The following SHISA9 variants were observed in gnomAD, a reference collection of about 807,000 sequenced individuals.
SHISA9 encodes the protein protein shisa-9.
A neutral mutation model predicts 38.0 loss-of-function variants in SHISA9; 13 were observed. That is an observed-to-expected ratio of 0.34 (90% CI 0.22 to 0.54). The LOEUF is 0.54. Among genes scored for constraint, SHISA9 ranks in the 20% least tolerant of loss-of-function variants. The pLI is 0.91. For synonymous variants in SHISA9, 275 were observed against 242.0 expected (o/e 1.14, Z -1.27); for missense variants, 538 against 575.8 (o/e 0.93, Z 0.67).
At chr16:13,096,226 G>C (rs986223832) in intron 2 of SHISA9, among the ~76,000 whole-genome samples, 1 of 152,184 alleles carries the variant, frequency 6.6e-6, no homozygotes, top group Non-Finnish European at 1.5e-5. Context: ...CTTGTTTATA[G>C]TAGACACTCA....
At chr16:13,244,420 G>C (rs1031232336), downstream of SHISA9, among the ~76,000 whole-genome samples, 9 of 152,050 alleles carry the variant, frequency 5.9e-5, no homozygotes, top group Non-Finnish European at 1.2e-4. Flanking sequence ...AGATGACAAG[G>C]ATGAAGACCT....
chr16:13,489,722 A>G, the SHISA9 span, among the ~76,000 whole-genome samples: 1 of 152,200 alleles, frequency 6.6e-6, no homozygotes, highest in African/African-American at 2.4e-5. Context: ...TAAATTACCC[A>G]GTCTCAGGTA....
chr16:13,305,189 CT>C, the SHISA9 span, among the ~76,000 whole-genome samples: 2 of 152,226 alleles, frequency 1.3e-5, no homozygotes, highest in East Asian at 3.8e-4. Context: ...TCACTTCCCC[CT>C]GGGGACGCTG....
At chr16:13,353,552 G>A in the SHISA9 span, among the ~76,000 whole-genome samples, 1 of 151,738 alleles carries the variant, frequency 6.6e-6, no homozygotes, top group Non-Finnish European at 1.5e-5. Flanking sequence ...ATAGGAGTAT[G>A]ATTAGACAGA....
chr16:13,420,245 CAAA>C, the SHISA9 span, among the ~76,000 whole-genome samples: 965 of 50,356 alleles, frequency 0.019, 18 homozygotes, highest in Admixed American at 0.034. Context: ...GAATCTGTTT[CAAA>C]AAAAAAAAAA....
intron 2 of SHISA9, among the ~76,000 whole-genome samples, chr16:13,053,222 C>G (rs897068495): frequency 3.3e-5 from 5 of 151,542 alleles, no homozygotes; most frequent in African/African-American, 1.2e-4. Flanking sequence ...CTCGGCCTCC[C>G]AAAGTGCTGG....
At position 13,209,349 on chromosome 16, in the gene SHISA9, A is replaced by G. The variant is rs185638421; in HGVS notation, c.848-3904A>G. 4.0e-4 allele frequency among the ~76,000 whole-genome samples: 61 copies of G among 152,318 alleles called. 2 individuals carry two copies. The highest frequency in any genetic ancestry group is 1.3e-3 in the African/African-American group (56 of 41,564). ...CTCCAGTCTGATGGGAAAGACATAC[A>G]TGAAAGTTAACTCATGTCAGGGATC... On this transcript the variant is annotated intron_variant, in intron 3 of 4. Coordinates refer to ENST00000558583, the MANE Select transcript of SHISA9 (RefSeq NM_001145204.3).
intron 2 of SHISA9, among the ~76,000 whole-genome samples, chr16:13,202,985 C>T (rs2051020312): frequency 6.6e-6 from 1 of 152,226 alleles, no homozygotes; most frequent in Non-Finnish European, 1.5e-5. Context: ...TACTCATGTC[C>T]TTCAATCCCT....
At chr16:13,419,696 G>T in the SHISA9 span, among the ~76,000 whole-genome samples, 1 of 152,132 alleles carries the variant, frequency 6.6e-6, no homozygotes, top group African/African-American at 2.4e-5. Context: ...TTGACATTGT[G>T]GGTCACACAA....
the SHISA9 span, among the ~76,000 whole-genome samples, chr16:13,382,932 A>G: frequency 6.6e-6 from 1 of 152,192 alleles, no homozygotes; most frequent in Non-Finnish European, 1.5e-5. Context: ...GAATCAAGCA[A>G]TATGTTACTG....
chr16:13,528,681 C>T, the SHISA9 span, among the ~76,000 whole-genome samples: 1 of 152,168 alleles, frequency 6.6e-6, no homozygotes, highest in Non-Finnish European at 1.5e-5. Flanking sequence ...CTGCAGCAAG[C>T]CATGTCCCCT....
chr16:12,996,291 T>C (rs1390718951), intron 2 of SHISA9, among the ~76,000 whole-genome samples: 1 of 152,192 alleles, frequency 6.6e-6, no homozygotes, highest in Non-Finnish European at 1.5e-5. Flanking sequence ...TTGGCTTCTC[T>C]TGAAGAAAAA....
At chr16:13,045,049 T>C (rs1403282286) in intron 2 of SHISA9, among the ~76,000 whole-genome samples, 1 of 152,230 alleles carries the variant, frequency 6.6e-6, no homozygotes, top group Non-Finnish European at 1.5e-5. Flanking sequence ...GTGCCTCAGT[T>C]TCCTGATCTG....
the SHISA9 span, among the ~76,000 whole-genome samples, chr16:13,289,971 G>A: frequency 6.6e-6 from 1 of 152,140 alleles, no homozygotes; most frequent in East Asian, 1.9e-4. Flanking sequence ...AGAATATAGG[G>A]TTAAAAGTAG....
chr16:13,432,724 G>T, the SHISA9 span, among the ~76,000 whole-genome samples: 1 of 152,134 alleles, frequency 6.6e-6, no homozygotes, highest in Non-Finnish European at 1.5e-5. Flanking sequence ...TAACAGAGTA[G>T]TATGCAGCCA....
the SHISA9 span, among the ~76,000 whole-genome samples, chr16:13,377,837 G>A: frequency 1.3e-5 from 2 of 152,060 alleles, no homozygotes; most frequent in Admixed American, 6.5e-5. Context: ...AGACCAGCCT[G>A]TCCAACATGG....
At chr16:13,363,294 T>A in the SHISA9 span, among the ~76,000 whole-genome samples, 1 of 152,232 alleles carries the variant, frequency 6.6e-6, no homozygotes, top group Non-Finnish European at 1.5e-5. Flanking sequence ...TATAGTATCT[T>A]TGAAGGAAAG....
chr16:13,340,260 C>T, the SHISA9 span, among the ~76,000 whole-genome samples: 5 of 152,154 alleles, frequency 3.3e-5, no homozygotes, highest in Non-Finnish European at 7.3e-5. Context: ...GGCTTAACCT[C>T]CTATATTTGG....
intron 2 of SHISA9, among the ~76,000 whole-genome samples, chr16:13,073,633 G>T (rs867542255): frequency 5.9e-5 from 9 of 152,150 alleles, no homozygotes; most frequent in African/African-American, 1.9e-4. Context: ...CTGTGGCCAT[G>T]ACCTTATTTG....
Sources: gnomAD v4.1 joint callset for allele counts (sites outside exome capture counted in the v4.1 genomes callset) on GRCh38, gnomAD v4.1.1 for gene constraint, MANE v1.5 for transcripts, NCBI Gene and HGNC (gene_info 2026-07-23, HGNC 2026-07-21) for gene names.